Variants in NFIA observed in about 807,000 individuals in gnomAD.
NFIA encodes nuclear factor 1 A-type.
Under a neutral mutation model 62.8 loss-of-function variants are expected in NFIA, and 8 were observed. The ratio of observed to expected loss-of-function variants is 0.13; its 90% CI spans 0.07 to 0.23. The LOEUF (loss-of-function observed/expected upper bound fraction) is 0.23, where lower values mean the gene tolerates loss of function less well. Among genes scored for constraint, NFIA ranks in the 10% least tolerant of loss-of-function variants. The probability of loss-of-function intolerance (pLI) is 1.00; values close to 1 mark genes in which losing one functional copy is unlikely to be tolerated. For synonymous variants in NFIA, 235 were observed against 238.1 expected, an observed-to-expected ratio of 0.99 and a Z score of 0.12; for missense variants, 410 against 642.1, an observed-to-expected ratio of 0.64 and a Z score of 3.91.
intron 2 of NFIA, among the ~76,000 whole-genome samples, chr1:61,148,284 T>A (rs1267916865): frequency 6.6e-6 from 1 of 152,188 alleles, no homozygotes; most frequent in Non-Finnish European, 1.5e-5. Context: ...CTCCCCACCT[T>A]CTAGCAATAA....
intron 3 of NFIA, among the ~76,000 whole-genome samples, chr1:61,320,156 A>G (rs1271404086): frequency 6.6e-6 from 1 of 151,804 alleles, no homozygotes; most frequent in Non-Finnish European, 1.5e-5. Flanking sequence ...ATTGCATTAC[A>G]TGACTTTAAA....
At position 61,205,869 on chromosome 1, in the gene NFIA, C is replaced by T. The variant is rs550973077; in HGVS notation, c.560-71651C>T. ...TTCACAGTAGTCAGCAAATGCCCTACACTGAGGTTTTACTCTTTTTATTTT... is the reference window on the plus strand; with the variant it reads ...TTCACAGTAGTCAGCAAATGCCCTATACTGAGGTTTTACTCTTTTTATTTT... On this transcript the variant is annotated intron_variant, in intron 2 of 10. Coordinates refer to ENST00000403491, the MANE Select transcript of NFIA (RefSeq NM_001134673.4). 1.8e-4 allele frequency among the ~76,000 whole-genome samples: 27 copies of T among 150,074 alleles called. No homozygotes were observed. In the East Asian group the frequency reaches 5.5e-3, roughly 30 times the overall value.
intron 2 of NFIA, among the ~76,000 whole-genome samples, chr1:61,224,116 AATT>A (rs1207195325): frequency 6.6e-6 from 1 of 152,044 alleles, no homozygotes; most frequent in Non-Finnish European, 1.5e-5. Flanking sequence ...AAAATAGGGA[AATT>A]ATTACTTAGT....
In NFIA at chr1:61,082,631, T is replaced by G; in HGVS notation, c.-161T>G. The G allele has an allele frequency of 6.6e-7, 1 of 1,509,066 alleles. No homozygotes were observed. The highest frequency in any genetic ancestry group is 8.9e-7 in the Non-Finnish European group (1 of 1,123,608). 93.5% of individuals were successfully genotyped at this position (1,509,066 alleles called of 1,614,324 possible). A position where few individuals can be genotyped will look rare whatever the true frequency, so the allele number is the denominator to read the frequency against. ...GGCTGCAGTTGAGCCGACTTGGAAA[T>G]GTGAACGCAAGAAGCAGGCTTGATT... On this transcript the variant is annotated 5_prime_UTR_variant, in exon 1 of 11. The change abolishes an upstream ATG in the 5' untranslated region. Transcript: ENST00000403491.
At chr1:61,291,315 C>G (rs1658866781) in intron 3 of NFIA, among the ~76,000 whole-genome samples, 1 of 152,134 alleles carries the variant, frequency 6.6e-6, no homozygotes, top group Non-Finnish European at 1.5e-5. Context: ...GTAGGAGACT[C>G]AGGTGGTACT....
intron 2 of NFIA, among the ~76,000 whole-genome samples, chr1:61,154,768 T>C (rs1056085420): frequency 2.0e-5 from 3 of 152,184 alleles, no homozygotes; most frequent in Non-Finnish European, 4.4e-5. Flanking sequence ...TACATTTAAA[T>C]AGAGCAGATG....
At chr1:61,435,948 G>A (rs1267949578) in intron 10 of NFIA, among the ~76,000 whole-genome samples, 4 of 152,128 alleles carry the variant, frequency 2.6e-5, no homozygotes, top group African/African-American at 7.2e-5. Context: ...CACTCCCTAT[G>A]TGTTTAGGAG....
chr1:61,093,242 C>T (rs1202997603), intron 2 of NFIA, among the ~76,000 whole-genome samples: 1 of 152,162 alleles, frequency 6.6e-6, no homozygotes, highest in East Asian at 1.9e-4. Flanking sequence ...TTTTCAGTAA[C>T]TTAATAAACA....
chr1:61,181,092 C>T (rs958600185), intron 2 of NFIA, among the ~76,000 whole-genome samples: 6 of 152,214 alleles, frequency 3.9e-5, no homozygotes, highest in African/African-American at 1.4e-4. Flanking sequence ...GTTAATATGA[C>T]TGCCTCCCTT....
chr1:61,198,799 CTGTCAGTG>C (rs1410921475), intron 2 of NFIA, among the ~76,000 whole-genome samples: 1 of 152,216 alleles, frequency 6.6e-6, no homozygotes, highest in Non-Finnish European at 1.5e-5. Flanking sequence ...GGATGCCCAG[CTGTCAGTG>C]TGTCGCCATA....
At chr1:61,240,101 C>T (rs1052446229) in intron 2 of NFIA, among the ~76,000 whole-genome samples, 1 of 152,066 alleles carries the variant, frequency 6.6e-6, no homozygotes, top group African/African-American at 2.4e-5. Flanking sequence ...ACGTGATGTT[C>T]TAATTTCGAT....
At chr1:61,283,558 G>C (rs1320513836) in intron 3 of NFIA, among the ~76,000 whole-genome samples, 1 of 119,108 alleles carries the variant, frequency 8.4e-6, no homozygotes, top group Admixed American at 1.1e-4. Flanking sequence ...CTCCATCCTG[G>C]GTGACAGAAC....
intron 2 of NFIA, among the ~76,000 whole-genome samples, chr1:61,117,690 T>G (rs939497126): frequency 2.6e-5 from 4 of 152,206 alleles, no homozygotes; most frequent in Admixed American, 2.6e-4. Context: ...GCTTGATAAT[T>G]TGGTGTCCTG....
At chr1:61,165,535 T>C (rs1285117936) in intron 2 of NFIA, among the ~76,000 whole-genome samples, 1 of 152,184 alleles carries the variant, frequency 6.6e-6, no homozygotes, top group Non-Finnish European at 1.5e-5. Context: ...AGGAAAACCA[T>C]ATCTGTTTGA....
chr1:61,326,113 G>A (rs959865452), intron 3 of NFIA, among the ~76,000 whole-genome samples: 2 of 152,134 alleles, frequency 1.3e-5, no homozygotes, highest in African/African-American at 4.8e-5. Context: ...ACTTTCTCAG[G>A]ATCACACAAG....
chr1:61,200,170 C>T (rs1228121344), intron 2 of NFIA, among the ~76,000 whole-genome samples: 2 of 150,640 alleles, frequency 1.3e-5, no homozygotes, highest in African/African-American at 4.9e-5. Context: ...GGAGGCAGTG[C>T]AGTCATTAGC....
At position 61,088,780 on chromosome 1, in the gene NFIA, A is replaced by G. The variant is rs1220670917; in HGVS notation, c.559+100A>G. On this transcript the variant is annotated intron_variant, in intron 2 of 10. Coordinates refer to ENST00000403491, the MANE Select transcript of NFIA (RefSeq NM_001134673.4). This position sits in a 1 kb window ranked among gnomAD's most constrained non-coding sequence, Gnocchi z 4.5. ...ATTCTTCCTGAGCTCCCCAAGTTGC[A>G]GGCCACGTACATGAAGCCAGTGTGG... is the stretch of plus-strand genomic sequence containing the variant. 2.2e-6 allele frequency: 3 copies of G among 1,357,736 alleles called. No homozygotes were observed. The highest frequency in any genetic ancestry group is 3.0e-6 in the Non-Finnish European group (3 of 1,002,428). 84.1% of individuals were successfully genotyped at this position (1,357,736 alleles called of 1,614,324 possible).
chr1:61,081,606 T>C (rs1646095749), upstream of NFIA, among the ~76,000 whole-genome samples: 2 of 152,176 alleles, frequency 1.3e-5, no homozygotes, highest in African/African-American at 2.4e-5. Flanking sequence ...CTGAACGTGA[T>C]AGAACTTTTT....
chr1:61,294,296 A>G (rs1455515694), intron 3 of NFIA, among the ~76,000 whole-genome samples: 1 of 148,134 alleles, frequency 6.8e-6, no homozygotes, highest in Non-Finnish European at 1.5e-5. Flanking sequence ...ATACTGCTCC[A>G]GGCATTAGTC....
Sources: allele counts gnomAD v4.1 joint callset (sites outside exome capture counted in the v4.1 genomes callset), GRCh38; gene constraint gnomAD v4.1.1; non-coding constraint Gnocchi (gnomAD v3.1); transcripts MANE v1.5; gene names NCBI Gene and HGNC (gene_info 2026-07-23, HGNC 2026-07-21).